PITPNM2: variants seen among roughly 807,000 people sequenced by gnomAD.
PITPNM2 encodes membrane-associated phosphatidylinositol transfer protein 2.
Under a neutral mutation model 132.2 loss-of-function variants are expected in PITPNM2, and 35 were observed. That is an observed-to-expected ratio of 0.26 (90% CI 0.20 to 0.35). The LOEUF (loss-of-function observed/expected upper bound fraction) is 0.35. Ranked by LOEUF, PITPNM2 falls within the 10% of genes least tolerant of loss-of-function variation. The pLI is 1.00. For missense variants in PITPNM2, 1,332 were observed against 1,912.0 expected (o/e 0.70, Z 5.66); for synonymous variants, 738 against 799.2 (o/e 0.92, Z 1.29).
At chr12:123,137,754 G>A (rs950229728) in intron 1 of PITPNM2, among the ~76,000 whole-genome samples, 6 of 152,026 alleles carry the variant, frequency 3.9e-5, no homozygotes, top group Admixed American at 2.0e-4. Flanking sequence ...TTAGCGGGAC[G>A]TGGTGGTGCG....
upstream of PITPNM2, among the ~76,000 whole-genome samples, chr12:123,151,611 C>A (rs1386478042): frequency 6.6e-6 from 1 of 152,046 alleles, no homozygotes; most frequent in African/African-American, 2.4e-5. Context: ...ACGGCAGAGC[C>A]GGGAGCGCAG....
chr12:123,056,379 G>A (rs1283777770), intron 2 of PITPNM2, among the ~76,000 whole-genome samples: 1 of 152,128 alleles, frequency 6.6e-6, no homozygotes, highest in African/African-American at 2.4e-5. Flanking sequence ...CACGTTGCCC[G>A]GGAGACAAAA....
chr12:123,074,630 C>A (rs1049331019), intron 2 of PITPNM2, among the ~76,000 whole-genome samples: 5 of 151,796 alleles, frequency 3.3e-5, no homozygotes, highest in African/African-American at 9.7e-5. Flanking sequence ...CACCCACCCA[C>A]CCACACACAC....
At chr12:123,105,681 C>T (rs1200179121) in intron 2 of PITPNM2, among the ~76,000 whole-genome samples, 1 of 152,086 alleles carries the variant, frequency 6.6e-6, no homozygotes, top group Non-Finnish European at 1.5e-5. Context: ...AGTGCTGAGC[C>T]GTCATGCCTC....
At chr12:123,124,072 G>A (rs1318037102) in intron 1 of PITPNM2, among the ~76,000 whole-genome samples, 7 of 151,908 alleles carry the variant, frequency 4.6e-5, no homozygotes, top group African/African-American at 1.2e-4. Context: ...TGGCTAACAC[G>A]GTGAAACCCT....
At chr12:123,049,634 C>A (rs1328174584) in intron 2 of PITPNM2, among the ~76,000 whole-genome samples, 3 of 151,230 alleles carry the variant, frequency 2.0e-5, no homozygotes, top group African/African-American at 7.3e-5. Flanking sequence ...GATTTCCTCT[C>A]CTGCCCAGTT....
chr12:122,994,779 C>T lies in PITPNM2; in HGVS notation c.2233+22G>A, dbSNP rs1354273591. On this transcript the variant is annotated intron_variant, in intron 15 of 25. Transcript: ENST00000320201. The surrounding 1 kb of genome is among the most constrained non-coding windows in gnomAD (Gnocchi z 5.4). ...CGCACCCAGTGCATGTACCCCCCAT[C>T]CTGCCCCTGCTGGGCTCTCACCATC... 1.2e-6 allele frequency: 2 copies of T among 1,601,216 alleles called. No individual in the cohort carries two copies. Among genetic ancestry groups the T allele is most frequent in the African/African-American group, 1.3e-5 (1 of 74,734 alleles).
In PITPNM2 at chr12:122,990,713, C is replaced by T. The variant is rs764507797; in HGVS notation, c.2405-4G>A. 1 of 1,596,206 alleles carries T rather than the reference C, an allele frequency of 6.3e-7. No homozygotes were observed. Among genetic ancestry groups the T allele is most frequent in the Non-Finnish European group, 8.5e-7 (1 of 1,171,150 alleles). On this transcript the variant is annotated splice_polypyrimidine_tract_variant and splice_region_variant and intron_variant, in intron 16 of 25. Transcript: ENST00000320201. ...TTGTGGGTCTGGAGCACATCCGCTG[C>T]AGGTGGACAGGGACCAGAGGCCAGG...
At chr12:123,139,519 C>CA (rs78809232) in intron 1 of PITPNM2, among the ~76,000 whole-genome samples, 7,075 of 150,898 alleles carry the variant, frequency 0.047, 289 homozygotes, top group East Asian at 0.25. Context: ...AAAAAAACAA[C>CA]AGACAACTGC....
In PITPNM2 at chr12:123,008,457, C is replaced by A. The variant is rs2039033219; in HGVS notation, c.643+1393G>T. ...CTGCCCAGGATAGGGGAGCCCCTCCCAGTCCTGCCCACATGCTCCTCCACT... is the reference window on the plus strand; with the variant it reads ...CTGCCCAGGATAGGGGAGCCCCTCCAAGTCCTGCCCACATGCTCCTCCACT... On this transcript the variant is annotated intron_variant, in intron 6 of 25. Transcript: ENST00000320201. The surrounding 1 kb of genome is among the most constrained non-coding windows in gnomAD (Gnocchi z 4.1). Among the ~76,000 whole-genome samples, 1 of 152,190 alleles carries A rather than the reference C, an allele frequency of 6.6e-6. No individual in the cohort carries two copies. The highest frequency in any genetic ancestry group is 2.4e-5 in the African/African-American group (1 of 41,446).
chr12:123,148,533 T>C (rs1450997412), intron 1 of PITPNM2, among the ~76,000 whole-genome samples: 1 of 152,122 alleles, frequency 6.6e-6, no homozygotes, highest in Non-Finnish European at 1.5e-5. Context: ...GGAAAGACTT[T>C]AACTAGATGG....
At chr12:123,140,448 A>G (rs1019227696) in intron 1 of PITPNM2, among the ~76,000 whole-genome samples, 2 of 152,166 alleles carry the variant, frequency 1.3e-5, no homozygotes, top group African/African-American at 4.8e-5. Flanking sequence ...GAGAACAAGG[A>G]AAAGAGCAAA....
At chr12:123,049,738 T>C (rs1181423618) in intron 2 of PITPNM2, among the ~76,000 whole-genome samples, 1 of 152,218 alleles carries the variant, frequency 6.6e-6, no homozygotes, top group East Asian at 1.9e-4. Context: ...GCAGGGAACT[T>C]GTCTGTCTTA....
In PITPNM2 at chr12:123,106,052, A is replaced by G. The variant is rs932029838; in HGVS notation, c.-96+4333T>C. Among the ~76,000 whole-genome samples the G allele has an allele frequency of 6.6e-6, 1 of 152,152 alleles. No individual in the cohort carries two copies. The highest frequency in any genetic ancestry group is 1.5e-5 in the Non-Finnish European group (1 of 68,036). The stretch of plus-strand genomic sequence containing the variant: ...CCTGCAAGCATGGTATGCCTGCGCA[A>G]ACCTCAACAAGTGACCAAAAGCATC... On this transcript the variant is annotated intron_variant, in intron 2 of 25. Coordinates refer to ENST00000320201, the MANE Select transcript of PITPNM2 (RefSeq NM_020845.3). The surrounding 1 kb of genome is among the most constrained non-coding windows in gnomAD (Gnocchi z 4.4).
Position 122,997,446 on chromosome 12 carries a change from T to A in PITPNM2, c.1351A>T (p.Thr451Ser), listed in dbSNP as rs1299125419. 3.7e-6 allele frequency: 6 copies of A among 1,613,508 alleles called. No homozygotes were observed. Among genetic ancestry groups the A allele is most frequent in the Non-Finnish European group, 4.2e-6 (5 of 1,179,970 alleles). ...ACGGTGTCGAACACGTTGGCGATGGTGTTAGCATCGCCCTTCTTGGAGCTG... is the reference window on the plus strand; with the variant it reads ...ACGGTGTCGAACACGTTGGCGATGGAGTTAGCATCGCCCTTCTTGGAGCTG... ...DPSSKKGDAN[T>S]IANVFDTVMR... Residue 451 changes from threonine to serine, a missense_variant, in exon 11 of 26, where the codon ACC (threonine) becomes TCC (serine). By Grantham distance (58) the Thr-to-Ser change is moderately conservative. Transcript: ENST00000320201.
At chr12:123,018,698 C>T (rs915076703) in intron 3 of PITPNM2, among the ~76,000 whole-genome samples, 3 of 151,948 alleles carry the variant, frequency 2.0e-5, no homozygotes, top group African/African-American at 7.3e-5. Flanking sequence ...ATTCTCCTGT[C>T]TCAACCACCC....
chr12:122,994,613 C>T lies in PITPNM2; in HGVS notation c.2233+188G>A, dbSNP rs1381678696. On this transcript the variant is annotated intron_variant, in intron 15 of 25. Transcript: ENST00000320201. This position sits in a 1 kb window ranked among gnomAD's most constrained non-coding sequence, Gnocchi z 5.4. ...AGATGAAATGAAACAGCAGGTGTCACGGACGGCCAGTGACTGAGCTGCTGA... is the reference window on the plus strand; with the variant it reads ...AGATGAAATGAAACAGCAGGTGTCATGGACGGCCAGTGACTGAGCTGCTGA... 3.9e-5 allele frequency among the ~76,000 whole-genome samples: 6 copies of T among 152,178 alleles called. No homozygotes were observed. The highest frequency in any genetic ancestry group is 7.2e-5 in the African/African-American group (3 of 41,448).
intron 5 of PITPNM2, among the ~76,000 whole-genome samples, chr12:123,012,085 C>T (rs912877822): frequency 2.0e-5 from 3 of 152,238 alleles, no homozygotes; most frequent in Non-Finnish European, 2.9e-5. Flanking sequence ...TTTTGTTTCA[C>T]TGGCATACAT....
intron 3 of PITPNM2, among the ~76,000 whole-genome samples, chr12:123,030,694 A>AC (rs1410799307): frequency 3.4e-5 from 5 of 148,080 alleles, no homozygotes; most frequent in African/African-American, 1.2e-4. Context: ...CTCCATCTCA[A>AC]AAAAAAAAAA....
Sources: allele counts gnomAD v4.1 joint callset (sites outside exome capture counted in the v4.1 genomes callset), GRCh38; gene constraint gnomAD v4.1.1; non-coding constraint Gnocchi (gnomAD v3.1); transcripts MANE v1.5; gene names NCBI Gene and HGNC (gene_info 2026-07-23, HGNC 2026-07-21).